Variants in NDUFAF7 observed in about 807,000 individuals in gnomAD.
NDUFAF7 encodes protein arginine methyltransferase NDUFAF7, mitochondrial.
NDUFAF7 carries 48 observed loss-of-function variants against 47.2 expected under a neutral mutation model. The observed-to-expected ratio is 1.02, with a 90% CI of 0.81 to 1.29. NDUFAF7 has a LOEUF of 1.29. Among genes scored for constraint, NDUFAF7 ranks in the 50% most tolerant of loss-of-function variants. The probability of loss-of-function intolerance (pLI) is 0.00; values close to 1 mark genes in which losing one functional copy is unlikely to be tolerated. For synonymous variants in NDUFAF7, 217 were observed against 190.0 expected, an observed-to-expected ratio of 1.14 and a Z score of -1.17; for missense variants, 635 against 537.6, an observed-to-expected ratio of 1.18 and a Z score of -1.79.
intron 9 of NDUFAF7, 34 bp downstream of exon 9, chr2:37,247,663 C>T (rs376536110): frequency 1.4e-5 from 22 of 1,608,342 alleles, no homozygotes; most frequent in Non-Finnish European, 1.9e-5. Context: ...TTATTAAGTA[C>T]TTTCATAGTA....
the NDUFAF7 span, chr2:37,267,780 G>A: frequency 4.8e-6 from 2 of 417,744 alleles, no homozygotes; most frequent in Middle Eastern, 6.5e-4. Flanking sequence ...GAATGAACTT[G>A]TTGCTGAAAA....
chr2:37,244,119 T>G, intron 7 of NDUFAF7, 146 bp downstream of exon 7: 1 of 708,182 alleles, frequency 1.4e-6, no homozygotes, highest in Non-Finnish European at 2.4e-6. Context: ...ACAGTGAAAG[T>G]GCAGAGGAGC....
chr2:37,239,280 G>A (rs941072156), intron 4 of NDUFAF7, among the ~76,000 whole-genome samples: 17 of 151,902 alleles, frequency 1.1e-4, no homozygotes, highest in Non-Finnish European at 5.9e-5. Flanking sequence ...CACTACACCC[G>A]GCTAATTTTT....
At chr2:37,237,376 A>G (rs938954576) in intron 3 of NDUFAF7, among the ~76,000 whole-genome samples, 3 of 152,284 alleles carry the variant, frequency 2.0e-5, no homozygotes, top group Admixed American at 6.5e-5. Flanking sequence ...TGCGTATCGA[A>G]AAACATTAGT....
At chr2:37,235,022 A>G (rs1046615254) in intron 2 of NDUFAF7, among the ~76,000 whole-genome samples, 17 of 152,174 alleles carry the variant, frequency 1.1e-4, no homozygotes, top group African/African-American at 2.9e-4. Flanking sequence ...TTGGGATATG[A>G]AGATAAATAA....
intron 5 of NDUFAF7, 58 bp from the exon 6 acceptor site, chr2:37,242,577 A>C: frequency 7.2e-7 from 1 of 1,389,982 alleles, no homozygotes; most frequent in South Asian, 1.2e-5. Flanking sequence ...GTTAATATTC[A>C]AAAGAATTAA....
chr2:37,259,364 G>A, the NDUFAF7 span, among the ~76,000 whole-genome samples: 1 of 152,324 alleles, frequency 6.6e-6, no homozygotes, highest in African/African-American at 2.4e-5. Flanking sequence ...CAGAATCTAT[G>A]TGCAGTTAAA....
At chr2:37,255,003 T>C (rs80094039), downstream of NDUFAF7, among the ~76,000 whole-genome samples, 766 of 152,306 alleles carry the variant, frequency 5.0e-3, 4 homozygotes, top group Admixed American at 6.6e-3. Flanking sequence ...ACATTTGAAA[T>C]ATTGGTAACA....
At chr2:37,238,675 C>A (rs1354438852) in intron 4 of NDUFAF7, among the ~76,000 whole-genome samples, 1 of 151,684 alleles carries the variant, frequency 6.6e-6, no homozygotes, top group Non-Finnish European at 1.5e-5. Context: ...TCTTGCTCTA[C>A]AAATAAACTA....
At chr2:37,258,148 G>C (rs928029260), downstream of NDUFAF7, among the ~76,000 whole-genome samples, 2 of 152,216 alleles carry the variant, frequency 1.3e-5, no homozygotes, top group African/African-American at 2.4e-5. Context: ...AATATAAATT[G>C]AGAGGAAAAA....
chr2:37,231,916 A>G (rs1046878581), intron 1 of NDUFAF7, 156 bp downstream of exon 1: 12 of 1,591,046 alleles, frequency 7.5e-6, no homozygotes, highest in South Asian at 4.5e-5. Flanking sequence ...TACAAACGCA[A>G]TAGGGCTGCG....
At chr2:37,247,087 A>C (rs984299161) in intron 8 of NDUFAF7, among the ~76,000 whole-genome samples, 2 of 152,006 alleles carry the variant, frequency 1.3e-5, no homozygotes, top group Non-Finnish European at 2.9e-5. Flanking sequence ...GTTTGTTCCC[A>C]TAAGTATGTT....
chr2:37,261,979 T>TA, the NDUFAF7 span, among the ~76,000 whole-genome samples: 2 of 152,192 alleles, frequency 1.3e-5, no homozygotes. Context: ...GTCTTTGTGT[T>TA]AGATGATTTT....
downstream of NDUFAF7, chr2:37,253,549 G>A: frequency 2.1e-6 from 1 of 482,274 alleles, no homozygotes; most frequent in South Asian, 4.8e-5. Context: ...TTCAAACTCA[G>A]AGTCTCCAAT....
chr2:37,258,479 T>C, the NDUFAF7 span, among the ~76,000 whole-genome samples: 3 of 152,338 alleles, frequency 2.0e-5, no homozygotes, highest in South Asian at 6.2e-4. Flanking sequence ...ATAAAAAGCG[T>C]ATCAAGTAAA....
the NDUFAF7 span, chr2:37,269,236 C>G: frequency 0.019 from 4,018 of 216,110 alleles, 183 homozygotes; most frequent in African/African-American, 0.087. Flanking sequence ...AACAATCATG[C>G]CAACAGTAGA....
chr2:37,244,851 A>G (rs1666739213), intron 7 of NDUFAF7, among the ~76,000 whole-genome samples: 1 of 152,204 alleles, frequency 6.6e-6, no homozygotes. Context: ...TATTCATAGA[A>G]CTACCAAGAA....
downstream of NDUFAF7, among the ~76,000 whole-genome samples, chr2:37,253,821 CTT>C (rs1667714728): frequency 6.6e-6 from 1 of 152,124 alleles, no homozygotes; most frequent in South Asian, 2.1e-4. Flanking sequence ...TGGAGGGTAT[CTT>C]TTGATAAATC....
At chr2:37,242,858 A>AT (rs1176619639) in intron 6 of NDUFAF7, among the ~76,000 whole-genome samples, 165 bp downstream of exon 6, 1 of 152,240 alleles carries the variant, frequency 6.6e-6, no homozygotes, top group Non-Finnish European at 1.5e-5. Flanking sequence ...AAAATGAAAT[A>AT]TTAATGAGAA....
Sources: gnomAD v4.1 joint callset for allele counts (sites outside exome capture counted in the v4.1 genomes callset) on GRCh38, gnomAD v4.1.1 for gene constraint, MANE v1.5 for transcripts, NCBI Gene and HGNC (gene_info 2026-07-23, HGNC 2026-07-21) for gene names.